Variants in CNOT1 observed in about 807,000 individuals in gnomAD.
CNOT1 encodes the protein CCR4-associated factor 1.
CNOT1 carries 15 observed loss-of-function variants against 273.8 expected under a neutral mutation model. The ratio of observed to expected loss-of-function variants is 0.05; its 90% CI spans 0.04 to 0.08. The LOEUF (loss-of-function observed/expected upper bound fraction) is 0.08. Ranked by LOEUF, CNOT1 falls within the 10% of genes least tolerant of loss-of-function variation. CNOT1 has a pLI of 1.00. For synonymous variants in CNOT1, 1,022 were observed against 1,005.5 expected, an observed-to-expected ratio of 1.02 and a Z score of -0.31; for missense variants, 1,644 against 2,912.2, an observed-to-expected ratio of 0.56 and a Z score of 10.02.
chr16:58,565,144 G>C (rs1267360836), intron 16 of CNOT1, among the ~76,000 whole-genome samples: 1 of 152,004 alleles, frequency 6.6e-6, no homozygotes, highest in African/African-American at 2.4e-5. Context: ...TTTTGAGACA[G>C]GGTCTCACTG....
intron 42 of CNOT1, among the ~76,000 whole-genome samples, chr16:58,531,505 TGA>T (rs2067207): frequency 0.24 from 36,843 of 151,936 alleles, 4,849 homozygotes; most frequent in East Asian, 0.38. Context: ...GCATTTAAAG[TGA>T]GAGTCTGTAA....
intron 1 of CNOT1, among the ~76,000 whole-genome samples, chr16:58,628,048 G>A (rs899870382): frequency 6.6e-6 from 1 of 152,070 alleles, no homozygotes; most frequent in South Asian, 2.1e-4. Flanking sequence ...GGCTGGTCTC[G>A]AACTCCTGAC....
chr16:58,551,934 C>T (rs2040462616), intron 22 of CNOT1, 115 bp from the exon 23 acceptor site: 4 of 1,337,768 alleles, frequency 3.0e-6, no homozygotes, highest in Non-Finnish European at 4.1e-6. Flanking sequence ...GTTCATCTAG[C>T]TCACATACTC....
In CNOT1 at chr16:58,580,707, G is replaced by A; in HGVS notation, c.1269C>T (p.Asp423=). Residue 423 remains aspartate (D), a synonymous_variant, in exon 12 of 49, where the codon GAC becomes GAT. Transcript: ENST00000317147. ...LINPEIFCFA[D]YPCHTVATDI... ...CAGTGGCAACAGTATGACAGGGATA[G>A]TCAGCAAAACAGAAGATCTCTGGAT... 1 of 1,613,456 alleles carries A rather than the reference G, an allele frequency of 6.2e-7. No individual in the cohort carries two copies.
intron 29 of CNOT1, 84 bp downstream of exon 29, chr16:58,546,237 T>G: frequency 1.7e-6 from 2 of 1,175,838 alleles, no homozygotes; most frequent in Non-Finnish European, 1.2e-6. Context: ...TGGGAAATTA[T>G]AGTTTGCGAT....
intron 1 of CNOT1, among the ~76,000 whole-genome samples, chr16:58,605,259 T>C (rs2042632114): frequency 6.6e-6 from 1 of 152,110 alleles, no homozygotes; most frequent in African/African-American, 2.4e-5. Context: ...TCCCAGCACT[T>C]TGGGAGGCTG....
At chr16:58,618,321 C>A (rs1315422923) in intron 1 of CNOT1, among the ~76,000 whole-genome samples, 1 of 152,054 alleles carries the variant, frequency 6.6e-6, no homozygotes, top group Non-Finnish European at 1.5e-5. Flanking sequence ...CGGCAGCTCA[C>A]ACCTGTAATC....
Position 58,539,830 on chromosome 16 carries a change from C to T in CNOT1, c.4930G>A (p.Glu1644Lys). The T allele has an allele frequency of 6.2e-7, 1 of 1,614,132 alleles. No individual in the cohort carries two copies. Among genetic ancestry groups the T allele is most frequent in the Non-Finnish European group, 8.5e-7 (1 of 1,180,022 alleles). Residue 1644 changes from glutamate to lysine, a missense_variant, in exon 35 of 49, where the codon GAG becomes AAG. Glu to Lys is a moderately conservative substitution (Grantham distance 56, BLOSUM62 1). Around this residue, in one of 13 missense-constraint regions of CNOT1, gnomAD observed 170 missense variants for 273.1 expected, o/e 0.62. Transcript: ENST00000317147. ...GAGTTTCGAGATAAAACTACAACCT[C>T]CAAGAGACTTCGAAGAGCCTGAGCT... The part of the protein sequence containing the change: ...PQAQALRSLL[E>K]VVVLSRNSRD...
At chr16:58,551,532 C>A in intron 23 of CNOT1, 57 bp downstream of exon 23, 4 of 1,531,348 alleles carry the variant, frequency 2.6e-6, no homozygotes, top group South Asian at 1.1e-5. Flanking sequence ...ATGTTCACCA[C>A]TGATTATTAC....
intron 2 of CNOT1, among the ~76,000 whole-genome samples, chr16:58,594,828 A>G (rs925004162): frequency 6.6e-6 from 1 of 150,704 alleles, no homozygotes; most frequent in African/African-American, 2.4e-5. Flanking sequence ...AAAGAAAAAG[A>G]AAAAAAGGCT....
rs1657191 is a variant in CNOT1 at position 58,613,827 on chromosome 16, G to A, written c.-174-14316C>T. ...AAAATTGGTCGCCGTGGTGGCTCACGCCTGTAATCCCAGCACTTTGGGAGG... is the reference window on the plus strand; with the variant it reads ...AAAATTGGTCGCCGTGGTGGCTCACACCTGTAATCCCAGCACTTTGGGAGG... On this transcript the variant is annotated intron_variant, in intron 1 of 48. Coordinates refer to ENST00000317147, the MANE Select transcript of CNOT1 (RefSeq NM_016284.5). Among the ~76,000 whole-genome samples the A allele has an allele frequency of 2.4e-5, 3 of 122,888 alleles. 1 individual carries two copies. Among genetic ancestry groups the A allele is most frequent in the African/African-American group, 2.7e-5 (1 of 36,610 alleles). The allele number at this position is 122,888 out of a possible 152,430, so 80.6% of individuals were successfully genotyped here.
chr16:58,622,509 G>C (rs986944589), intron 1 of CNOT1, among the ~76,000 whole-genome samples: 1 of 152,106 alleles, frequency 6.6e-6, no homozygotes, highest in Admixed American at 6.6e-5. Context: ...ATAAATCTAA[G>C]GGAACAAACG....
chr16:58,552,675 G>C (rs2040494233), intron 22 of CNOT1, among the ~76,000 whole-genome samples: 2 of 152,116 alleles, frequency 1.3e-5, no homozygotes. Context: ...AGAGAACACT[G>C]AACTAAATTA....
rs2040096272 is a variant in CNOT1 at position 58,541,555 on chromosome 16, G to A, written c.4746C>T (p.Phe1582=). The change falls in exon 34 of 49, where the codon TTC becomes TTT. Residue 1582 remains phenylalanine, a synonymous_variant. Transcript: ENST00000317147. ...YEEFARNVPG[F]LPTNDLSQPT... ...GCTGACTTAAGTCATTTGTAGGTAAGAAGCCAGGAACATTGCGTGCAAACT... is the reference window on the plus strand; with the variant it reads ...GCTGACTTAAGTCATTTGTAGGTAAAAAGCCAGGAACATTGCGTGCAAACT... 2.5e-6 allele frequency: 4 copies of A among 1,614,068 alleles called. No individual in the cohort carries two copies. Among genetic ancestry groups the A allele is most frequent in the Non-Finnish European group, 2.5e-6 (3 of 1,179,928 alleles).
chr16:58,576,448 T>C lies in CNOT1; in HGVS notation c.1704+15A>G, dbSNP rs751527885. 6.2e-7 allele frequency: 1 copy of C among 1,613,840 alleles called. No homozygotes were observed. Among genetic ancestry groups the C allele is most frequent in the Admixed American group, 1.7e-5 (1 of 59,990 alleles). Reference sequence around the variant, plus strand: ...TAGTAAATAAACTGGTGTCAGTCTGTCCCTCTGAACTCACCTTCAAGTCCT... The same window carrying C: ...TAGTAAATAAACTGGTGTCAGTCTGCCCCTCTGAACTCACCTTCAAGTCCT... On this transcript the variant is annotated intron_variant, in intron 14 of 48. Transcript: ENST00000317147.
intron 2 of CNOT1, among the ~76,000 whole-genome samples, chr16:58,596,762 A>C (rs1045514247): frequency 6.6e-6 from 1 of 151,600 alleles, no homozygotes; most frequent in African/African-American, 2.4e-5. Flanking sequence ...GTGGCGAGCG[A>C]CTGTAGTCCC....
chr16:58,585,640 G>C, intron 7 of CNOT1, 134 bp from the exon 8 acceptor site: 1 of 1,392,894 alleles, frequency 7.2e-7, no homozygotes, highest in Non-Finnish European at 9.4e-7. Flanking sequence ...CATTTTTCCA[G>C]CCTACTAGCC....
At chr16:58,604,751 C>T (rs1278542404) in intron 1 of CNOT1, among the ~76,000 whole-genome samples, 5 of 143,006 alleles carry the variant, frequency 3.5e-5, no homozygotes, top group Non-Finnish European at 7.5e-5. Flanking sequence ...GGGCCAAGAT[C>T]GTGCCATTGC....
chr16:58,541,611 C>T lies in CNOT1; in HGVS notation c.4690G>A (p.Val1564Met), dbSNP rs2040097040. The T allele has an allele frequency of 2.5e-6, 4 of 1,612,610 alleles. No individual in the cohort carries two copies. The highest frequency in any genetic ancestry group is 3.4e-6 in the Non-Finnish European group (4 of 1,179,530). Residue 1564 changes from valine (V) to methionine (M), a missense_variant, in exon 34 of 49, where the codon GTG (valine) becomes ATG (methionine). By Grantham distance (21) the Val-to-Met change is conservative (BLOSUM62 1). This residue lies in a region of CNOT1 where 170 missense variants were observed against 273.1 expected (regional missense o/e 0.62). Coordinates refer to ENST00000317147, the MANE Select transcript of CNOT1 (RefSeq NM_016284.5). ...TAAACAGCCAACTGCTTTGGGTCCA[C>T]ACCACCAACCTTGAAAGAAGAAAAC... is the stretch of plus-strand genomic sequence containing the variant. ...PEQIRLKVGG[V>M]DPKQLAVYEE...
Sources: allele counts gnomAD v4.1 joint callset (sites outside exome capture counted in the v4.1 genomes callset), GRCh38; gene constraint gnomAD v4.1.1; regional missense constraint gnomAD v4.1.1; transcripts MANE v1.5; gene names NCBI Gene and HGNC (gene_info 2026-07-23, HGNC 2026-07-21).